Variants in GALNT16 observed in about 807,000 individuals in gnomAD.
GALNT16 encodes UDP-GalNAc:polypeptide N-acetylgalactosaminyltransferase-like protein 1.
In GALNT16, 40 loss-of-function variants were observed where a neutral mutation model predicts 76.1. The observed-to-expected ratio is 0.53, with a 90% CI of 0.41 to 0.68. The LOEUF (loss-of-function observed/expected upper bound fraction) is 0.68, where lower values mean the gene tolerates loss of function less well. Ranked by LOEUF, GALNT16 falls within the 30% of genes least tolerant of loss-of-function variation. GALNT16 has a pLI of 0.00. For missense variants in GALNT16, 621 were observed against 731.9 expected, an observed-to-expected ratio of 0.85 and a Z score of 1.75; for synonymous variants, 276 against 285.2, an observed-to-expected ratio of 0.97 and a Z score of 0.32.
At chr14:69,275,792 C>T (rs2140109633) in intron 1 of GALNT16, among the ~76,000 whole-genome samples, 1 of 152,308 alleles carries the variant, frequency 6.6e-6, no homozygotes, top group East Asian at 1.9e-4. Context: ...TCTGGGAGGT[C>T]ATGAGGCTGC....
At chr14:69,294,814 G>T (rs1216540393) in intron 1 of GALNT16, among the ~76,000 whole-genome samples, 1 of 152,094 alleles carries the variant, frequency 6.6e-6, no homozygotes, top group East Asian at 1.9e-4. Flanking sequence ...GAACTCCTAG[G>T]CTCAAGGGAT....
chr14:69,341,526 C>T (rs2045485396), intron 11 of GALNT16, among the ~76,000 whole-genome samples, 155 bp from the exon 12 acceptor site: 1 of 152,188 alleles, frequency 6.6e-6, no homozygotes, highest in African/African-American at 2.4e-5. Context: ...AGAATAACAT[C>T]AGATAAGTGG....
At chr14:69,327,967 A>T (rs2045306359) in intron 5 of GALNT16, among the ~76,000 whole-genome samples, 1 of 152,196 alleles carries the variant, frequency 6.6e-6, no homozygotes, top group Admixed American at 6.5e-5. Context: ...AAGAAAACTG[A>T]GGCTCAGAGC....
At chr14:69,283,920 A>G (rs1475948422) in intron 1 of GALNT16, among the ~76,000 whole-genome samples, 3 of 152,182 alleles carry the variant, frequency 2.0e-5, no homozygotes, top group Non-Finnish European at 4.4e-5. Context: ...GATGAACAAG[A>G]CATTCTAGCT....
chr14:69,346,998 T>C (rs779260499), intron 12 of GALNT16, 42 bp from the exon 13 acceptor site: 1 of 1,612,394 alleles, frequency 6.2e-7, no homozygotes, highest in Non-Finnish European at 8.5e-7. Context: ...AGGTAAGCCT[T>C]GGGGGGGAAA....
chr14:69,320,920 A>G (rs2045171933), intron 2 of GALNT16, 52 bp downstream of exon 2: 3 of 1,544,890 alleles, frequency 1.9e-6, no homozygotes, highest in South Asian at 2.3e-5. Flanking sequence ...GAAAGCCAAC[A>G]TTGTTTAGTT....
chr14:69,307,027 A>G (rs2140146277), intron 1 of GALNT16, among the ~76,000 whole-genome samples: 1 of 152,328 alleles, frequency 6.6e-6, no homozygotes, highest in African/African-American at 2.4e-5. Context: ...CCGGATCCAA[A>G]GCTAGCATGC....
chr14:69,305,037 C>T lies in GALNT16; in HGVS notation c.178-15674C>T, dbSNP rs190191628. Among the ~76,000 whole-genome samples, 9 of 151,588 alleles carry T rather than the reference C, an allele frequency of 5.9e-5. No homozygotes were observed. The East Asian group carries it at 1.7e-3, about 29-fold the overall frequency. Reference sequence around the variant, plus strand: ...GTTCTATTGTTAATTTTTTTAAGAGCTTCCATACTGTTTTCTGTAGCAGCT... The same window carrying T: ...GTTCTATTGTTAATTTTTTTAAGAGTTTCCATACTGTTTTCTGTAGCAGCT... On this transcript the variant is annotated intron_variant, in intron 1 of 14. Coordinates refer to ENST00000448469, the MANE Select transcript of GALNT16 (RefSeq NM_001168368.2).
At chr14:69,328,769 G>T (rs1335355037) in intron 6 of GALNT16, among the ~76,000 whole-genome samples, 198 bp downstream of exon 6, 2 of 152,184 alleles carry the variant, frequency 1.3e-5, no homozygotes, top group Non-Finnish European at 2.9e-5. Flanking sequence ...TATCCCACTG[G>T]GTTATTGTGA....
intron 1 of GALNT16, among the ~76,000 whole-genome samples, chr14:69,262,411 G>A (rs1197048703): frequency 1.3e-5 from 2 of 152,208 alleles, no homozygotes; most frequent in East Asian, 1.9e-4. Context: ...GAAGGATTCA[G>A]CACTCATTTT....
chr14:69,294,793 A>G (rs929699693), intron 1 of GALNT16, among the ~76,000 whole-genome samples: 1 of 152,166 alleles, frequency 6.6e-6, no homozygotes, highest in Non-Finnish European at 1.5e-5. Context: ...CATGTTGCCC[A>G]GACTGGATTT....
intron 11 of GALNT16, among the ~76,000 whole-genome samples, chr14:69,340,675 G>A (rs1217257039): frequency 6.6e-6 from 1 of 152,066 alleles, no homozygotes; most frequent in Non-Finnish European, 1.5e-5. Flanking sequence ...TAATAGAGAT[G>A]GGGTTTCACC....
At position 69,347,122 on chromosome 14, in the gene GALNT16, G is replaced by C; in HGVS notation, c.1354G>C (p.Asp452His). 6.2e-7 allele frequency: 1 copy of C among 1,613,914 alleles called. No homozygotes were observed. Among genetic ancestry groups the C allele is most frequent in the Non-Finnish European group, 8.5e-7 (1 of 1,179,874 alleles). The change falls in exon 13 of 15, where the codon GAC becomes CAC. Residue 452 changes from aspartate to histidine, a missense_variant. Coordinates refer to ENST00000448469, the MANE Select transcript of GALNT16 (RefSeq NM_001168368.2). ...LESQGQNTAG[D>H]FLLGMGICRG... ...ATCTCAGGGCCAGAACACAGCTGGT[G>C]ACTTCCTGCTTGGAATGGGGATCTG...
the GALNT16 span, among the ~76,000 whole-genome samples, chr14:69,366,974 G>C: frequency 1.3e-5 from 2 of 152,166 alleles, no homozygotes; most frequent in African/African-American, 4.8e-5. Context: ...CTTCCTGGAG[G>C]TGGTGACGCC....
intron 12 of GALNT16, among the ~76,000 whole-genome samples, chr14:69,345,668 G>A (rs1424968883): frequency 2.1e-5 from 3 of 140,660 alleles, no homozygotes; most frequent in East Asian, 4.2e-4. Context: ...AGCTGGGGCC[G>A]GCAGCTTCCT....
chr14:69,317,942 C>T (rs11627202), intron 1 of GALNT16, among the ~76,000 whole-genome samples: 6,002 of 152,168 alleles, frequency 0.039, 177 homozygotes, highest in Non-Finnish European at 0.062. Flanking sequence ...GTGACCGGGG[C>T]GAGGCCAGAG....
At chr14:69,287,485 C>T (rs2044629066) in intron 1 of GALNT16, among the ~76,000 whole-genome samples, 1 of 152,190 alleles carries the variant, frequency 6.6e-6, no homozygotes, top group African/African-American at 2.4e-5. Context: ...ACAGCGTTTC[C>T]CTTTTGGTGC....
At chr14:69,365,416 T>C in the GALNT16 span, among the ~76,000 whole-genome samples, 1 of 152,176 alleles carries the variant, frequency 6.6e-6, no homozygotes, top group African/African-American at 2.4e-5. Flanking sequence ...TGGCACATGG[T>C]AGACAGTAAA....
chr14:69,325,422 T>G lies in GALNT16; in HGVS notation c.502+18T>G. The G allele has an allele frequency of 6.9e-7, 1 of 1,442,202 alleles. No homozygotes were observed. Among genetic ancestry groups the G allele is most frequent in the Non-Finnish European group, 9.8e-7 (1 of 1,023,016 alleles). The allele number at this position is 1,442,202 out of a possible 1,614,324, so 89.3% of individuals were successfully genotyped here. A position where few individuals can be genotyped will look rare whatever the true frequency, so the allele number is the denominator to read the frequency against. ...CTCAGATCGTGAGTAGTCACCTTCC[T>G]TTTTGCAGCCCTCCATTCCGCCCTC... On this transcript the variant is annotated intron_variant, in intron 4 of 14. Transcript: ENST00000448469.
Sources: allele counts gnomAD v4.1 joint callset (sites outside exome capture counted in the v4.1 genomes callset), GRCh38; gene constraint gnomAD v4.1.1; transcripts MANE v1.5; gene names NCBI Gene and HGNC (gene_info 2026-07-23, HGNC 2026-07-21).